Variants in ZNF487 observed in about 807,000 individuals in gnomAD.
ZNF487 encodes the protein zinc finger protein 487.
In ZNF487, 4 loss-of-function variants were observed where a neutral mutation model predicts 3.0. The ratio of observed to expected loss-of-function variants is 1.35; its 90% CI spans 0.66 to 3.08. The LOEUF (loss-of-function observed/expected upper bound fraction) is 3.08. Ranked by LOEUF, ZNF487 falls within the 30% of genes most tolerant of loss-of-function variation. ZNF487 has a pLI of 0.01. For missense variants in ZNF487, 146 were observed against 98.7 expected, an observed-to-expected ratio of 1.48 and a Z score of -2.03; for synonymous variants, 55 against 34.6, an observed-to-expected ratio of 1.59 and a Z score of -2.06.
chr10:43,513,644 A>G, the ZNF487 span, among the ~76,000 whole-genome samples: 1 of 152,134 alleles, frequency 6.6e-6, no homozygotes, highest in South Asian at 2.1e-4. Context: ...CTTTACCACC[A>G]TAATAGCCCT....
intron 1 of ZNF487, among the ~76,000 whole-genome samples, chr10:43,450,961 T>A (rs1311992010): frequency 6.6e-6 from 1 of 152,116 alleles, no homozygotes; most frequent in African/African-American, 2.4e-5. Flanking sequence ...TATTATTATT[T>A]TTTGAGATGG....
chr10:43,494,766 A>AAAAAAAG, the ZNF487 span, among the ~76,000 whole-genome samples: 1 of 99,968 alleles, frequency 1.0e-5, no homozygotes, highest in African/African-American at 5.6e-5. Flanking sequence ...CTAAAAATAC[A>AAAAAAAG]AAAAAAAAAA....
chr10:43,502,856 C>T, the ZNF487 span, among the ~76,000 whole-genome samples: 1 of 151,968 alleles, frequency 6.6e-6, no homozygotes, highest in Non-Finnish European at 1.5e-5. Context: ...CATAGTGAGA[C>T]CCCATCTCTA....
the ZNF487 span, among the ~76,000 whole-genome samples, chr10:43,495,680 G>A: frequency 6.6e-6 from 1 of 152,086 alleles, no homozygotes; most frequent in Non-Finnish European, 1.5e-5. Context: ...CTTATTGCAG[G>A]CATATTTTTT....
chr10:43,491,326 T>C, the ZNF487 span, among the ~76,000 whole-genome samples: 2 of 151,686 alleles, frequency 1.3e-5, no homozygotes, highest in Non-Finnish European at 2.9e-5. Context: ...AATTTTATTG[T>C]TGTTTCAGAG....
Position 43,482,705 on chromosome 10 carries a change from CT to C in ZNF487, c.*785del. The C allele has an allele frequency of 2.1e-6, 1 of 467,492 alleles. No individual in the cohort carries two copies. Among genetic ancestry groups the C allele is most frequent in the South Asian group, 1.6e-5 (1 of 61,744 alleles). The allele number at this position is 467,492 out of a possible 1,614,324, so 29.0% of individuals were successfully genotyped here. Reference sequence around the variant, plus strand: ...GGAAAACTTTCTCCCAGAAGCCAAACTTCATTAATCATCAGTGAACTCACAC... The same window carrying C: ...GGAAAACTTTCTCCCAGAAGCCAAACTCATTAATCATCAGTGAACTCACAC... On this transcript the variant is annotated 3_prime_UTR_variant, in exon 4 of 4. Transcript: ENST00000437590.
intron 3 of ZNF487, among the ~76,000 whole-genome samples, chr10:43,477,723 G>A (rs1304452805): frequency 6.6e-6 from 1 of 151,278 alleles, no homozygotes; most frequent in East Asian, 2.0e-4. Flanking sequence ...AGGCCGAGGC[G>A]GGTTGGTCAC....
intron 1 of ZNF487, among the ~76,000 whole-genome samples, chr10:43,446,284 G>A (rs1414537171): frequency 2.7e-5 from 4 of 150,234 alleles, no homozygotes; most frequent in Non-Finnish European, 4.4e-5. Flanking sequence ...CCTCCCAGAC[G>A]GGGTGGCTGC....
At chr10:43,446,929 T>G (rs1405967346) in intron 1 of ZNF487, among the ~76,000 whole-genome samples, 1 of 152,088 alleles carries the variant, frequency 6.6e-6, no homozygotes, top group Non-Finnish European at 1.5e-5. Context: ...AGCGAGACTC[T>G]GTCTGCAATC....
At chr10:43,467,073 T>C (rs1840731806) in intron 1 of ZNF487, among the ~76,000 whole-genome samples, 1 of 151,900 alleles carries the variant, frequency 6.6e-6, no homozygotes, top group Non-Finnish European at 1.5e-5. Context: ...TGGGGTTTCA[T>C]CATGTTGACC....
chr10:43,490,045 T>C, the ZNF487 span, among the ~76,000 whole-genome samples: 2 of 152,006 alleles, frequency 1.3e-5, no homozygotes, highest in Admixed American at 1.3e-4. Flanking sequence ...AAGACAGAAA[T>C]AGCTTAAAAG....
rs147294293 is a variant in ZNF487 at position 43,477,781 on chromosome 10, G to A, written c.130+1579G>A. Among the ~76,000 whole-genome samples the A allele has an allele frequency of 4.8e-3, 718 of 151,098 alleles. 7 individuals are homozygous for A. Among genetic ancestry groups the A allele is most frequent in the African/African-American group, 0.017 (693 of 41,198 alleles). ...AGCCTGACCAATATGGTGAAACGCCGTCTCTACTAAAAGTACAAAAATTAG... is the reference window on the plus strand; with the variant it reads ...AGCCTGACCAATATGGTGAAACGCCATCTCTACTAAAAGTACAAAAATTAG... On this transcript the variant is annotated intron_variant, in intron 3 of 3. Coordinates refer to ENST00000437590, the MANE Select transcript of ZNF487 (RefSeq NM_001355444.3).
At chr10:43,494,141 C>T in the ZNF487 span, among the ~76,000 whole-genome samples, 3 of 152,014 alleles carry the variant, frequency 2.0e-5, 1 homozygote, top group South Asian at 6.2e-4. Flanking sequence ...TTGTAGTGTG[C>T]TGGGCAGCAG....
At chr10:43,496,342 A>T in the ZNF487 span, among the ~76,000 whole-genome samples, 1 of 152,204 alleles carries the variant, frequency 6.6e-6, no homozygotes, top group African/African-American at 2.4e-5. Flanking sequence ...CTTAAGTGGA[A>T]CTATTGACTA....
At chr10:43,499,723 C>T in the ZNF487 span, among the ~76,000 whole-genome samples, 1 of 151,144 alleles carries the variant, frequency 6.6e-6, no homozygotes, top group African/African-American at 2.4e-5. Flanking sequence ...CACACTCCAA[C>T]TTGGGTGATG....
chr10:43,473,827 A>G (rs1325077076), intron 1 of ZNF487, among the ~76,000 whole-genome samples: 1 of 151,624 alleles, frequency 6.6e-6, no homozygotes, highest in Non-Finnish European at 1.5e-5. Flanking sequence ...GGAGTTTGAG[A>G]CCAACCTGGG....
chr10:43,472,162 C>T (rs1046597937), intron 1 of ZNF487, among the ~76,000 whole-genome samples: 1 of 152,120 alleles, frequency 6.6e-6, no homozygotes. Flanking sequence ...CCTGATCCCT[C>T]CTGGTAATCT....
chr10:43,493,875 G>A, the ZNF487 span, among the ~76,000 whole-genome samples: 2 of 150,332 alleles, frequency 1.3e-5, no homozygotes, highest in African/African-American at 4.9e-5. Flanking sequence ...GTAATAAAAA[G>A]CTAAAATAGG....
the ZNF487 span, among the ~76,000 whole-genome samples, chr10:43,490,247 G>A: frequency 2.4e-4 from 37 of 152,108 alleles, no homozygotes; most frequent in African/African-American, 8.2e-4. Flanking sequence ...AGCTACTCGG[G>A]AGGCTGAGGC....
Sources: allele counts gnomAD v4.1 joint callset (sites outside exome capture counted in the v4.1 genomes callset), GRCh38; gene constraint gnomAD v4.1.1; transcripts MANE v1.5; gene names NCBI Gene and HGNC (gene_info 2026-07-23, HGNC 2026-07-21).